Variants in LRBA observed in about 807,000 individuals in gnomAD.
The protein encoded by LRBA is lipopolysaccharide-responsive and beige-like anchor protein.
In LRBA, 176 loss-of-function variants were observed where a neutral mutation model predicts 330.0. The ratio of observed to expected loss-of-function variants is 0.53; its 90% CI spans 0.47 to 0.60. LRBA has a LOEUF of 0.60. Ranked by LOEUF, LRBA falls within the 20% of genes least tolerant of loss-of-function variation. LRBA has a pLI of 0.00. For synonymous variants in LRBA, 1,230 were observed against 1,193.0 expected, an observed-to-expected ratio of 1.03 and a Z score of -0.64; for missense variants, 3,259 against 3,444.8, an observed-to-expected ratio of 0.95 and a Z score of 1.35.
At chr4:150,911,847 T>C (rs914061531) in intron 9 of LRBA, among the ~76,000 whole-genome samples, 9 of 152,196 alleles carry the variant, frequency 5.9e-5, no homozygotes, top group Non-Finnish European at 1.3e-4. Flanking sequence ...AAAAGTTTTT[T>C]ATTATTGATT....
intron 40 of LRBA, among the ~76,000 whole-genome samples, chr4:150,568,411 C>A (rs1355518670): frequency 6.6e-6 from 1 of 152,190 alleles, no homozygotes; most frequent in Non-Finnish European, 1.5e-5. Flanking sequence ...TTAATGAAAT[C>A]ATTTAATTAT....
intron 30 of LRBA, among the ~76,000 whole-genome samples, chr4:150,819,753 C>T (rs760200940): frequency 6.6e-6 from 1 of 152,070 alleles, no homozygotes; most frequent in South Asian, 2.1e-4. Context: ...TAATTAAACA[C>T]AACAAAAGAA....
intron 36 of LRBA, chr4:150,721,267 A>G (rs542626325): frequency 1.4e-4 from 55 of 381,078 alleles, no homozygotes; most frequent in African/African-American, 1.1e-3. Flanking sequence ...GAGTGGCTTT[A>G]TAAGTCCAAT....
chr4:150,290,719 G>C (rs557452378), intron 53 of LRBA, among the ~76,000 whole-genome samples: 1 of 152,222 alleles, frequency 6.6e-6, no homozygotes, highest in East Asian at 1.9e-4. Context: ...AGGATACCCA[G>C]TGCATCTTTA....
chr4:150,292,787 C>A (rs1426149296), intron 53 of LRBA, among the ~76,000 whole-genome samples: 2 of 152,086 alleles, frequency 1.3e-5, no homozygotes, highest in African/African-American at 4.8e-5. Flanking sequence ...TATAAACCTG[C>A]AAATTATAAT....
intron 40 of LRBA, among the ~76,000 whole-genome samples, chr4:150,519,633 C>T (rs1477195355): frequency 6.6e-6 from 1 of 152,088 alleles, no homozygotes; most frequent in East Asian, 1.9e-4. Flanking sequence ...AAGTAGTTTA[C>T]TAAGAATAAA....
chr4:150,899,275 A>T (rs1487268715), intron 14 of LRBA, among the ~76,000 whole-genome samples: 2 of 152,190 alleles, frequency 1.3e-5, no homozygotes, highest in African/African-American at 4.8e-5. Context: ...TTAAGTTGTT[A>T]CGGATGTGAA....
chr4:150,677,601 G>C lies in LRBA; in HGVS notation c.5921+5950C>G, dbSNP rs72736385. Among the ~76,000 whole-genome samples, 243 of 151,662 alleles carry C rather than the reference G, an allele frequency of 1.6e-3. 1 individual carries two copies. The highest frequency in any genetic ancestry group is 3.6e-3 in the Admixed American group (55 of 15,256). ...TTGAATATGGCAAAACATGTTACTTGCCAATGAAATTATGTGGTTTTTTGC... is the reference window on the plus strand; with the variant it reads ...TTGAATATGGCAAAACATGTTACTTCCCAATGAAATTATGTGGTTTTTTGC... On this transcript the variant is annotated intron_variant, in intron 37 of 56. Transcript: ENST00000651943.
At chr4:150,396,441 C>T (rs1408461019) in intron 47 of LRBA, among the ~76,000 whole-genome samples, 11 of 151,102 alleles carry the variant, frequency 7.3e-5, no homozygotes, top group Non-Finnish European at 1.5e-4. Context: ...TTCTCAGCCC[C>T]CATAATCACA....
At chr4:150,339,647 C>G (rs954757525) in intron 48 of LRBA, among the ~76,000 whole-genome samples, 3 of 152,028 alleles carry the variant, frequency 2.0e-5, no homozygotes, top group Admixed American at 6.6e-5. Flanking sequence ...TAATTCCAGA[C>G]TTTTCCTCAT....
At position 150,852,558 on chromosome 4, in the gene LRBA, G is replaced by C; in HGVS notation, c.3152C>G (p.Ser1051Cys). 1 of 1,613,880 alleles carries C rather than the reference G, an allele frequency of 6.2e-7. No individual in the cohort carries two copies. The highest frequency in any genetic ancestry group is 8.5e-7 in the Non-Finnish European group (1 of 1,179,990). ...AGCCACAGCTTCTATTATGTCAGAAGATACTTCTAAATCATCTGCATTCCT... is the reference window on the plus strand; with the variant it reads ...AGCCACAGCTTCTATTATGTCAGAACATACTTCTAAATCATCTGCATTCCT... ...ETRNADDLEVSSDIIEAVAIS... is the reference protein window; with the variant it reads ...ETRNADDLEVCSDIIEAVAIS... The change falls in exon 23 of 57, where the codon TCT becomes TGT. Residue 1051 changes from serine (S) to cysteine (C), a missense_variant. Physicochemically the swap from Ser to Cys is moderately radical, Grantham distance 112. Coordinates refer to ENST00000651943, the MANE Select transcript of LRBA (RefSeq NM_001364905.1).
At chr4:150,868,853 G>A (rs981131844) in intron 20 of LRBA, among the ~76,000 whole-genome samples, 4 of 152,026 alleles carry the variant, frequency 2.6e-5, no homozygotes, top group Non-Finnish European at 5.9e-5. Flanking sequence ...CAGGTGAATC[G>A]CTTGAACCCA....
intron 55 of LRBA, among the ~76,000 whole-genome samples, chr4:150,278,465 G>A (rs1747094844): frequency 9.1e-6 from 1 of 109,674 alleles, no homozygotes; most frequent in South Asian, 3.3e-4. Context: ...CACCTTCCCT[G>A]AGCCTGCTGG....
chr4:150,878,608 A>T (rs990680482), intron 17 of LRBA, among the ~76,000 whole-genome samples: 14 of 143,338 alleles, frequency 9.8e-5, no homozygotes, highest in South Asian at 2.1e-4. Flanking sequence ...TAGCTAGATT[A>T]AAAAAAAAAA....
At chr4:150,996,926 A>T (rs1470210093) in intron 2 of LRBA, among the ~76,000 whole-genome samples, 1 of 152,242 alleles carries the variant, frequency 6.6e-6, no homozygotes, top group South Asian at 2.1e-4. Context: ...GGAAAAAATA[A>T]AATAATCCCG....
chr4:150,686,479 A>G (rs1293684520), intron 36 of LRBA, among the ~76,000 whole-genome samples: 1 of 152,222 alleles, frequency 6.6e-6, no homozygotes, highest in South Asian at 2.1e-4. Flanking sequence ...TAACTAGGAA[A>G]TTATTTCATT....
chr4:150,703,109 C>T (rs1291461357), intron 36 of LRBA, among the ~76,000 whole-genome samples: 1 of 152,138 alleles, frequency 6.6e-6, no homozygotes, highest in Non-Finnish European at 1.5e-5. Context: ...TGCAGTGAGC[C>T]AAGATCGCAC....
intron 42 of LRBA, among the ~76,000 whole-genome samples, chr4:150,486,735 C>T (rs1757920578): frequency 6.6e-6 from 1 of 151,686 alleles, no homozygotes; most frequent in Non-Finnish European, 1.5e-5. Flanking sequence ...AGATAGATCT[C>T]TTCAACTATT....
intron 46 of LRBA, chr4:150,422,614 A>G: frequency 1.7e-6 from 1 of 583,036 alleles, no homozygotes; most frequent in Non-Finnish European, 3.1e-6. Flanking sequence ...TCCCCAAGGG[A>G]CAAGGTTCCA....
Sources: gnomAD v4.1 joint callset for allele counts (sites outside exome capture counted in the v4.1 genomes callset) on GRCh38, gnomAD v4.1.1 for gene constraint, MANE v1.5 for transcripts, NCBI Gene and HGNC (gene_info 2026-07-23, HGNC 2026-07-21) for gene names.